USP42: variants seen among roughly 807,000 people sequenced by gnomAD.
USP42 encodes the protein ubiquitin carboxyl-terminal hydrolase 42.
Under a neutral mutation model 113.0 loss-of-function variants are expected in USP42, and 23 were observed. The observed-to-expected ratio is 0.20, with a 90% CI of 0.15 to 0.29. The LOEUF (loss-of-function observed/expected upper bound fraction) is 0.29, where lower values mean the gene tolerates loss of function less well. USP42 is among the 10% of genes least tolerant of loss of function. The pLI, the probability that USP42 is intolerant of heterozygous loss-of-function variation, is 1.00. For synonymous variants in USP42, 933 were observed against 699.0 expected, an observed-to-expected ratio of 1.33 and a Z score of -5.28; for missense variants, 2,174 against 1,779.8, an observed-to-expected ratio of 1.22 and a Z score of -3.99.
chr7:6,154,541 C>T lies in USP42; in HGVS notation c.2987C>T (p.Pro996Leu), dbSNP rs774687741. 3 of 1,545,842 alleles carry T rather than the reference C, an allele frequency of 1.9e-6. No individual in the cohort carries two copies. The highest frequency in any genetic ancestry group is 2.4e-5 in the South Asian group (2 of 83,862). Reference sequence around the variant, plus strand: ...CGCGACCGCCAGGACCGCCACGCCCCGGAGCACCACCCCGGCCACGGCGAC... The same window carrying T: ...CGCGACCGCCAGGACCGCCACGCCCTGGAGCACCACCCCGGCCACGGCGAC... The part of the protein sequence containing the change: ...RERDRQDRHA[P>L]EHHPGHGDRL... Residue 996 changes from proline to leucine, a missense_variant, in exon 15 of 18, where the codon CCG becomes CTG. Physicochemically the swap from Pro to Leu is moderately conservative, Grantham distance 98. Transcript: ENST00000306177.
intron 15 of USP42, 94 bp downstream of exon 15, chr7:6,155,289 C>G: frequency 7.0e-7 from 1 of 1,436,176 alleles, no homozygotes; most frequent in Non-Finnish European, 9.1e-7. Context: ...AAGTGACCAG[C>G]CAGGCCACAG....
chr7:6,142,145 G>A (rs1488841799), intron 7 of USP42, among the ~76,000 whole-genome samples: 1 of 151,936 alleles, frequency 6.6e-6, no homozygotes, highest in Non-Finnish European at 1.5e-5. Context: ...TTTTTAAATG[G>A]GAGAGGATAT....
chr7:6,089,689 C>T, the USP42 span, among the ~76,000 whole-genome samples: 9 of 150,238 alleles, frequency 6.0e-5, 1 homozygote, highest in African/African-American at 1.5e-4. Context: ...TGCACCACCA[C>T]GCCTGGCTAA....
chr7:6,106,003 GT>G, intron 1 of USP42, among the ~76,000 whole-genome samples: 1 of 152,300 alleles, frequency 6.6e-6, no homozygotes, highest in East Asian at 1.9e-4. Context: ...CTAGGTTCTC[GT>G]TTTGGTGGCC....
the USP42 span, among the ~76,000 whole-genome samples, chr7:6,091,690 C>CACACACACACACACAT: frequency 6.7e-6 from 1 of 149,572 alleles, no homozygotes; most frequent in Non-Finnish European, 1.5e-5. Flanking sequence ...TACACACACA[C>CACACACACACACACAT]ACACACACAC....
At chr7:6,085,533 A>G in the USP42 span, among the ~76,000 whole-genome samples, 3,646 of 150,242 alleles carry the variant, frequency 0.024, 335 homozygotes, top group African/African-American at 0.085. Context: ...TATAGATTAT[A>G]TAGAAGAGGG....
intron 7 of USP42, 87 bp downstream of exon 7, chr7:6,141,071 T>G: frequency 1.6e-6 from 1 of 630,620 alleles, no homozygotes; most frequent in Non-Finnish European, 2.7e-6. Flanking sequence ...AGACTACTTG[T>G]TAGAGAATAT....
chr7:6,113,751 A>T (rs375226837), intron 2 of USP42, among the ~76,000 whole-genome samples: 62 of 152,072 alleles, frequency 4.1e-4, no homozygotes, highest in Non-Finnish European at 7.7e-4. Flanking sequence ...CCTCCTGAGT[A>T]GCTGGGACTA....
At position 6,156,750 on chromosome 7, in the gene USP42, G is replaced by T; in HGVS notation, c.3642-4G>T. On this transcript the variant is annotated splice_region_variant and splice_polypyrimidine_tract_variant and intron_variant, in intron 15 of 17. Transcript: ENST00000306177. ...GTTTTGAATTCTGGCTTTTCCTTCT[G>T]CAGGCATCAGCAGGACTCAGACCTC... 6.5e-7 allele frequency: 1 copy of T among 1,528,768 alleles called. No individual in the cohort carries two copies. Among genetic ancestry groups the T allele is most frequent in the Non-Finnish European group, 8.8e-7 (1 of 1,142,544 alleles). 94.7% of individuals were successfully genotyped at this position (1,528,768 alleles called of 1,614,324 possible). A position where few individuals can be genotyped will look rare whatever the true frequency, so the allele number is the denominator to read the frequency against.
At chr7:6,143,050 T>G (rs1458747718) in intron 8 of USP42, 36 bp downstream of exon 8, 3 of 1,604,488 alleles carry the variant, frequency 1.9e-6, no homozygotes, top group Non-Finnish European at 2.6e-6. Context: ...TGATGCCGGC[T>G]TCTCCAGTGG....
At chr7:6,093,016 T>C in the USP42 span, 1 of 150,766 alleles carries the variant, frequency 6.6e-6, no homozygotes, top group African/African-American at 2.5e-5. Context: ...CTAGTGTGTC[T>C]GTTTCCAAAC....
At chr7:6,156,201 C>T (rs995407440) in intron 15 of USP42, among the ~76,000 whole-genome samples, 2 of 152,154 alleles carry the variant, frequency 1.3e-5, no homozygotes, top group Non-Finnish European at 2.9e-5. Flanking sequence ...GGAAAATAGG[C>T]AGTGGTTATT....
At chr7:6,109,867 A>G (rs140931793) in intron 1 of USP42, among the ~76,000 whole-genome samples, 1,621 of 149,110 alleles carry the variant, frequency 0.011, 30 homozygotes, top group African/African-American at 0.038. Flanking sequence ...CGCCCGGCTA[A>G]TTTTTGTATT....
At position 6,158,002 on chromosome 7, in the gene USP42, G is replaced by T. The variant is rs1260186211; in HGVS notation, c.3943+947G>T. ...AGAAGCGGATGTCACTCGAGTCAGT[G>T]GACCTAGAGCGGAGGCTGGCAAACT... On this transcript the variant is annotated intron_variant, in intron 16 of 17. Coordinates refer to ENST00000306177, the MANE Select transcript of USP42 (RefSeq NM_032172.3). This position sits in a 1 kb window ranked among gnomAD's most constrained non-coding sequence, Gnocchi z 4.2. 2.0e-5 allele frequency among the ~76,000 whole-genome samples: 3 copies of T among 152,242 alleles called. No individual in the cohort carries two copies. The highest frequency in any genetic ancestry group is 4.4e-5 in the Non-Finnish European group (3 of 68,044).
intron 14 of USP42, among the ~76,000 whole-genome samples, chr7:6,152,504 C>T (rs565240538): frequency 1.6e-4 from 24 of 152,224 alleles, no homozygotes; most frequent in Admixed American, 3.3e-4. Context: ...TGGCCCCCGG[C>T]GGGTGGGAGT....
In USP42 at chr7:6,154,157, A is replaced by G. The variant is rs770143151; in HGVS notation, c.2603A>G (p.Glu868Gly). The change falls in exon 15 of 18, where the codon GAG (glutamate) becomes GGG (glycine). Residue 868 changes from glutamate (E) to glycine (G), a missense_variant. By Grantham distance (98) the Glu-to-Gly change is moderately conservative. Transcript: ENST00000306177. ...CCTGCGCGGTCGGAGGAGCCCTGCG[A>G]GCAGCCACTCCTTGTTCACCCCAGC... The part of the protein sequence containing the change: ...APPARSEEPC[E>G]QPLLVHPSGD... 1 of 1,594,782 alleles carries G rather than the reference A, an allele frequency of 6.3e-7. No individual in the cohort carries two copies. The highest frequency in any genetic ancestry group is 8.5e-7 in the Non-Finnish European group (1 of 1,171,564).
chr7:6,094,423 G>A, the USP42 span, among the ~76,000 whole-genome samples: 1 of 145,038 alleles, frequency 6.9e-6, no homozygotes, highest in African/African-American at 2.6e-5. Flanking sequence ...TTCCTTCCTC[G>A]GCCTCCTAAA....
intron 12 of USP42, among the ~76,000 whole-genome samples, chr7:6,148,168 T>C (rs1451091953): frequency 6.6e-6 from 1 of 151,942 alleles, no homozygotes; most frequent in Non-Finnish European, 1.5e-5. Context: ...TGAAACCCCG[T>C]CTCCACAAAA....
chr7:6,130,286 G>C (rs1023132106), intron 3 of USP42, among the ~76,000 whole-genome samples: 1 of 152,228 alleles, frequency 6.6e-6, no homozygotes, highest in South Asian at 2.1e-4. Flanking sequence ...CTCAGCCTCC[G>C]TTGGCACCCC....
Sources: gnomAD v4.1 joint callset for allele counts (sites outside exome capture counted in the v4.1 genomes callset) on GRCh38, gnomAD v4.1.1 for gene constraint, Gnocchi (gnomAD v3.1) non-coding constraint, MANE v1.5 for transcripts, NCBI Gene and HGNC (gene_info 2026-07-23, HGNC 2026-07-21) for gene names.